VPS8: variants seen among roughly 807,000 people sequenced by gnomAD.
VPS8 encodes the protein vacuolar protein sorting-associated protein 8 homolog.
VPS8 carries 129 observed loss-of-function variants against 216.4 expected under a neutral mutation model. The ratio of observed to expected loss-of-function variants is 0.60; its 90% confidence interval spans 0.52 to 0.69. The LOEUF is 0.69. Among genes scored for constraint, VPS8 ranks in the 30% least tolerant of loss-of-function variants. The pLI, the probability that VPS8 is intolerant of heterozygous loss-of-function variation, is 0.00. For synonymous variants in VPS8, 571 were observed against 565.4 expected, an observed-to-expected ratio of 1.01 and a Z score of -0.14; for missense variants, 1,531 against 1,683.5, an observed-to-expected ratio of 0.91 and a Z score of 1.59.
chr3:185,012,057 T>C (rs1755082235), intron 45 of VPS8, among the ~76,000 whole-genome samples: 1 of 151,896 alleles, frequency 6.6e-6, no homozygotes, highest in South Asian at 2.1e-4. Context: ...TTTTTAACAC[T>C]GAAAAAAATT....
At chr3:184,825,973 A>T (rs1294386823) in intron 2 of VPS8, among the ~76,000 whole-genome samples, 190 bp from the exon 3 acceptor site, 1 of 151,918 alleles carries the variant, frequency 6.6e-6, no homozygotes, top group African/African-American at 2.4e-5. Context: ...CCTTGATGGT[A>T]ACTGAACGTG....
At position 184,950,216 on chromosome 3, in the gene VPS8, CTTTTTTTTTTTTT is replaced by C. The variant is rs10700220; in HGVS notation, c.3036-7142_3036-7130del. On this transcript the variant is annotated intron_variant, in intron 36 of 47. Coordinates refer to ENST00000625842, the MANE Select transcript of VPS8 (RefSeq NM_001009921.3). The stretch of plus-strand genomic sequence containing the variant: ...AGCAACCACGCCCAGCAGTTTTCTG[CTTTTTTTTTTTTT>C]TTTTTTTTTTTTTTTACTCTAGCTT... 3.5e-4 allele frequency among the ~76,000 whole-genome samples: 14 copies of C among 39,932 alleles called. 1 individual carries two copies. Among genetic ancestry groups the C allele is most frequent in the East Asian group, 3.2e-3 (3 of 932 alleles). 26.2% of individuals were successfully genotyped at this position (39,932 alleles called of 152,430 possible).
chr3:184,897,916 C>T (rs952084264), intron 23 of VPS8, among the ~76,000 whole-genome samples: 1 of 152,112 alleles, frequency 6.6e-6, no homozygotes, highest in African/African-American at 2.4e-5. Context: ...GGTCCTTCAT[C>T]CTCACTCTTG....
intron 39 of VPS8, among the ~76,000 whole-genome samples, chr3:184,969,772 T>C (rs2109615501): frequency 6.6e-6 from 1 of 151,322 alleles, no homozygotes; most frequent in Non-Finnish European, 1.5e-5. Context: ...CAGAAAAAAA[T>C]TAAGAAGAGC....
intron 25 of VPS8, among the ~76,000 whole-genome samples, chr3:184,909,057 G>T (rs899596424): frequency 6.6e-6 from 1 of 152,196 alleles, no homozygotes; most frequent in African/African-American, 2.4e-5. Flanking sequence ...TGGCTTGAAG[G>T]TGGGGTTTCA....
At chr3:184,851,935 A>T (rs967819377) in intron 10 of VPS8, among the ~76,000 whole-genome samples, 2 of 152,214 alleles carry the variant, frequency 1.3e-5, no homozygotes, top group African/African-American at 4.8e-5. Context: ...TGAGTTTTCT[A>T]AGTTAGGTAG....
At chr3:184,869,264 A>G (rs1727915725) in intron 19 of VPS8, among the ~76,000 whole-genome samples, 1 of 152,226 alleles carries the variant, frequency 6.6e-6, no homozygotes. Flanking sequence ...TTGTAAGGAA[A>G]TTACTATTGG....
Position 184,898,602 on chromosome 3 carries a change from C to T in VPS8, c.2042C>T (p.Ala681Val). The T allele has an allele frequency of 6.4e-7, 1 of 1,555,142 alleles. No individual in the cohort carries two copies. The highest frequency in any genetic ancestry group is 8.7e-7 in the Non-Finnish European group (1 of 1,148,216). The change falls in exon 24 of 48, where the codon GCT (alanine) becomes GTT (valine). Residue 681 changes from alanine to valine, a missense_variant. Transcript: ENST00000625842. The stretch of plus-strand genomic sequence containing the variant: ...TGTTGGGAAAATCGTTTATATGATG[C>T]TATGATCTATGTCTACAACAGAGGC... ...LMCWENRLYD[A>V]MIYVYNRGMN...
chr3:184,888,224 A>C (rs2108887016), intron 22 of VPS8, among the ~76,000 whole-genome samples: 1 of 152,206 alleles, frequency 6.6e-6, no homozygotes, highest in East Asian at 1.9e-4. Flanking sequence ...CCTGACCTTC[A>C]TGATCCACCC....
chr3:184,865,833 C>T (rs181965626), intron 16 of VPS8, among the ~76,000 whole-genome samples: 1 of 151,930 alleles, frequency 6.6e-6, no homozygotes, highest in East Asian at 1.9e-4. Context: ...ACTAAAAATA[C>T]AAAAATTAGC....
chr3:184,869,122 T>C (rs1727890191), intron 19 of VPS8, 86 bp downstream of exon 19: 3 of 1,243,930 alleles, frequency 2.4e-6, no homozygotes, highest in South Asian at 1.3e-5. Context: ...AGGACACTTT[T>C]AGCTGAGTGT....
intron 45 of VPS8, among the ~76,000 whole-genome samples, chr3:185,012,620 A>C (rs1179060306): frequency 6.6e-6 from 1 of 152,056 alleles, no homozygotes; most frequent in African/African-American, 2.4e-5. Context: ...GAAATCTTAC[A>C]AGGAGCCAAA....
intron 46 of VPS8, among the ~76,000 whole-genome samples, chr3:185,037,865 C>T (rs986663224): frequency 2.0e-5 from 3 of 151,966 alleles, no homozygotes; most frequent in Admixed American, 1.3e-4. Context: ...GTCATCATAC[C>T]TTCCTTTACT....
intron 37 of VPS8, among the ~76,000 whole-genome samples, chr3:184,959,976 T>C (rs1292468667): frequency 1.3e-5 from 2 of 152,134 alleles, no homozygotes; most frequent in Non-Finnish European, 2.9e-5. Context: ...CTCCTAATGC[T>C]ATCCCTCCCC....
At chr3:184,978,493 T>C (rs1018085430) in intron 40 of VPS8, among the ~76,000 whole-genome samples, 2 of 151,914 alleles carry the variant, frequency 1.3e-5, no homozygotes, top group Non-Finnish European at 2.9e-5. Flanking sequence ...CCTCCCAGGC[T>C]CAAGCAATCC....
At chr3:184,913,840 A>C (rs150030776) in intron 26 of VPS8, among the ~76,000 whole-genome samples, 1 of 152,204 alleles carries the variant, frequency 6.6e-6, no homozygotes, top group East Asian at 1.9e-4. Context: ...GCATCATACA[A>C]TGCACAGAAT....
chr3:184,859,647 C>T (rs1029734945), intron 14 of VPS8, among the ~76,000 whole-genome samples: 8 of 152,164 alleles, frequency 5.3e-5, no homozygotes. Context: ...GACTTCCTCA[C>T]ACCATGTCAC....
chr3:184,824,333 C>T lies in VPS8; in HGVS notation c.-88-212C>T, dbSNP rs74366958. The T allele has an allele frequency of 2.9e-3, 741 of 253,010 alleles. 8 individuals carry two copies. Among genetic ancestry groups the T allele is most frequent in the African/African-American group, 0.015 (702 of 45,462 alleles). The allele number at this position is 253,010 out of a possible 1,614,324, so 15.7% of individuals were successfully genotyped here. A position where few individuals can be genotyped will look rare whatever the true frequency, so the allele number is the denominator to read the frequency against. On this transcript the variant is annotated intron_variant, in intron 1 of 47. Transcript: ENST00000625842. Reference sequence around the variant, plus strand: ...GGGTGGCGGGCCACTTCCTAAAGTCCTTGAGCCCAAGTTAGCTGTTCCTCC... The same window carrying T: ...GGGTGGCGGGCCACTTCCTAAAGTCTTTGAGCCCAAGTTAGCTGTTCCTCC...
intron 45 of VPS8, among the ~76,000 whole-genome samples, chr3:185,017,922 C>T (rs1272556218): frequency 6.7e-6 from 1 of 150,124 alleles, no homozygotes; most frequent in East Asian, 1.9e-4. Context: ...TCCTTTTTTA[C>T]ATTTTGGACA....
Sources: allele counts gnomAD v4.1 joint callset (sites outside exome capture counted in the v4.1 genomes callset), GRCh38; gene constraint gnomAD v4.1.1; transcripts MANE v1.5; gene names NCBI Gene and HGNC (gene_info 2026-07-23, HGNC 2026-07-21).